The following DDR2 variants were observed in gnomAD, a reference collection of about 807,000 sequenced individuals.
DDR2 encodes the protein discoidin domain receptor tyrosine kinase 2, also known as discoidin domain-containing receptor 2.
DDR2 carries 27 observed loss-of-function variants against 94.9 expected under a neutral mutation model. That is an observed-to-expected ratio of 0.28 (90% confidence interval 0.21 to 0.39). The LOEUF (loss-of-function observed/expected upper bound fraction) is 0.39, where lower values mean the gene tolerates loss of function less well. Ranked by LOEUF, DDR2 falls within the 10% of genes least tolerant of loss-of-function variation. The probability of loss-of-function intolerance (pLI) is 1.00; values close to 1 mark genes in which losing one functional copy is unlikely to be tolerated. For synonymous variants in DDR2, 382 were observed against 377.2 expected (o/e 1.01, Z -0.15); for missense variants, 783 against 1,076.0 (o/e 0.73, Z 3.81).
intron 3 of DDR2, among the ~76,000 whole-genome samples, chr1:162,742,284 C>A (rs940541905): frequency 4.6e-5 from 7 of 152,184 alleles, no homozygotes; most frequent in African/African-American, 9.7e-5. Context: ...TAAATACATA[C>A]CCAAGACTGG....
chr1:162,656,310 T>C (rs1657959570), intron 2 of DDR2, among the ~76,000 whole-genome samples: 1 of 152,218 alleles, frequency 6.6e-6, no homozygotes, highest in African/African-American at 2.4e-5. Context: ...GAGTGCTGAA[T>C]GAATGAATGA....
At chr1:162,696,200 T>C (rs1345630346) in intron 2 of DDR2, among the ~76,000 whole-genome samples, 1 of 65,524 alleles carries the variant, frequency 1.5e-5, no homozygotes, top group Admixed American at 1.3e-4. Flanking sequence ...TTTCTTTTCC[T>C]TTTTTTTTTT....
At chr1:162,664,975 T>C (rs758139742) in intron 2 of DDR2, among the ~76,000 whole-genome samples, 24 of 152,250 alleles carry the variant, frequency 1.6e-4, no homozygotes, top group Non-Finnish European at 3.2e-4. Flanking sequence ...AGTTTGCTAT[T>C]TGAGCTCTGC....
intron 1 of DDR2, among the ~76,000 whole-genome samples, chr1:162,633,193 G>T (rs543233576): frequency 6.6e-6 from 1 of 152,274 alleles, no homozygotes; most frequent in African/African-American, 2.4e-5. Flanking sequence ...AGATTTTTCA[G>T]TTGTGACAGT....
intron 1 of DDR2, among the ~76,000 whole-genome samples, chr1:162,651,967 T>G (rs2101903872): frequency 6.6e-6 from 1 of 152,334 alleles, no homozygotes; most frequent in South Asian, 2.1e-4. Context: ...TCTCACTATC[T>G]CCATGAAACC....
intron 2 of DDR2, among the ~76,000 whole-genome samples, chr1:162,712,853 C>T (rs1167145824): frequency 6.6e-6 from 1 of 152,080 alleles, no homozygotes; most frequent in Non-Finnish European, 1.5e-5. Flanking sequence ...ACTTAGTGAC[C>T]CAAGCAAGTC....
rs1396671096 is a variant in DDR2, at chr1:162,782,932, G to A, written c.*2686G>A. The A allele has an allele frequency of 6.6e-6, 1 of 152,126 alleles. No individual in the cohort carries two copies. The highest frequency in any genetic ancestry group is 1.5e-5 in the Non-Finnish European group (1 of 68,020). 9.4% of individuals were successfully genotyped at this position (152,126 alleles called of 1,614,324 possible). On this transcript the variant is annotated 3_prime_UTR_variant, in exon 18 of 18. Coordinates refer to ENST00000367921, the MANE Select transcript of DDR2 (RefSeq NM_006182.4). ...TGAGAACTTTGTATTACAGACACAGGTTTAGTTTCTAGCTTAGTCATGCCT... is the reference window on the plus strand; with the variant it reads ...TGAGAACTTTGTATTACAGACACAGATTTAGTTTCTAGCTTAGTCATGCCT...
rs545011542 is a variant in DDR2, at chr1:162,711,980, G to C, written c.-27-7057G>C. 4.6e-5 allele frequency among the ~76,000 whole-genome samples: 7 copies of C among 152,062 alleles called. No individual in the cohort carries two copies. The East Asian group carries it at 1.4e-3, about 29-fold the overall frequency. On this transcript the variant is annotated intron_variant, in intron 2 of 17. Coordinates refer to ENST00000367921, the MANE Select transcript of DDR2 (RefSeq NM_006182.4). ...GCTGGGGCTTGCTCTGAGATCACCA[G>C]GGGTATAAACCAGGCAAGAGGAGAA...
intron 2 of DDR2, among the ~76,000 whole-genome samples, chr1:162,672,393 G>A (rs4657221): frequency 0.71 from 107,925 of 151,942 alleles, 41,605 homozygotes; most frequent in Middle Eastern, 0.85. Flanking sequence ...GACTTTTTGC[G>A]TTTCTAACTT....
intron 2 of DDR2, among the ~76,000 whole-genome samples, chr1:162,688,111 T>G (rs1047958048): frequency 1.3e-5 from 2 of 152,180 alleles, no homozygotes; most frequent in Non-Finnish European, 2.9e-5. Flanking sequence ...GCTCTGGACA[T>G]GTTCTAAGTG....
At chr1:162,760,572 A>G (rs1663678387) in intron 8 of DDR2, among the ~76,000 whole-genome samples, 1 of 149,222 alleles carries the variant, frequency 6.7e-6, no homozygotes, top group African/African-American at 2.5e-5. Flanking sequence ...AGATATATGT[A>G]TATACATATA....
intron 3 of DDR2, among the ~76,000 whole-genome samples, chr1:162,724,252 T>C (rs552908703): frequency 6.6e-6 from 1 of 152,340 alleles, no homozygotes; most frequent in East Asian, 1.9e-4. Context: ...AGCAATGTGC[T>C]GAAGTGACCT....
At chr1:162,683,041 A>G (rs1391763451) in intron 2 of DDR2, among the ~76,000 whole-genome samples, 1 of 152,224 alleles carries the variant, frequency 6.6e-6, no homozygotes, top group East Asian at 1.9e-4. Flanking sequence ...ATTACACATC[A>G]TATCAAATTA....
At chr1:162,663,634 A>C (rs1387819090) in intron 2 of DDR2, among the ~76,000 whole-genome samples, 3 of 152,150 alleles carry the variant, frequency 2.0e-5, no homozygotes, top group Non-Finnish European at 2.9e-5. Flanking sequence ...GGATAAGAGC[A>C]GGTGGGCGGT....
At chr1:162,773,053 G>T (rs1704765) in intron 13 of DDR2, among the ~76,000 whole-genome samples, 1 of 152,158 alleles carries the variant, frequency 6.6e-6, no homozygotes, top group Non-Finnish European at 1.5e-5. Flanking sequence ...GTTACTAATA[G>T]ACAGGAGTTT....
At chr1:162,725,803 C>T (rs531859200) in intron 3 of DDR2, among the ~76,000 whole-genome samples, 1 of 152,346 alleles carries the variant, frequency 6.6e-6, no homozygotes, top group African/African-American at 2.4e-5. Context: ...GCATCCCAAA[C>T]TTAATGTGTG....
At chr1:162,674,625 T>C (rs1433003448) in intron 2 of DDR2, among the ~76,000 whole-genome samples, 1 of 152,210 alleles carries the variant, frequency 6.6e-6, no homozygotes, top group African/African-American at 2.4e-5. Flanking sequence ...CTTTACTGTT[T>C]CACCAGCAAT....
chr1:162,765,160 C>G (rs1380425798), intron 9 of DDR2, among the ~76,000 whole-genome samples: 1 of 152,140 alleles, frequency 6.6e-6, no homozygotes, highest in Non-Finnish European at 1.5e-5. Flanking sequence ...AACTGGTACA[C>G]TTATTATAGC....
intron 3 of DDR2, among the ~76,000 whole-genome samples, chr1:162,721,941 T>G (rs1354823455): frequency 6.6e-6 from 1 of 152,248 alleles, no homozygotes; most frequent in East Asian, 1.9e-4. Flanking sequence ...AGCTCATTGT[T>G]GAAGATCTTA....
Sources: gnomAD v4.1 joint callset for allele counts (sites outside exome capture counted in the v4.1 genomes callset) on GRCh38, gnomAD v4.1.1 for gene constraint, MANE v1.5 for transcripts, NCBI Gene and HGNC (gene_info 2026-07-23, HGNC 2026-07-21) for gene names.